USP15: variants seen among roughly 807,000 people sequenced by gnomAD.
USP15 encodes the protein ubiquitin carboxyl-terminal hydrolase 15.
USP15 carries 18 observed loss-of-function variants against 127.1 expected under a neutral mutation model. The ratio of observed to expected loss-of-function variants is 0.14; its 90% CI spans 0.10 to 0.21. The LOEUF is 0.21. Among genes scored for constraint, USP15 ranks in the 10% least tolerant of loss-of-function variants. The pLI, the probability that USP15 is intolerant of heterozygous loss-of-function variation, is 1.00. For missense variants in USP15, 805 were observed against 1,159.9 expected (o/e 0.69, Z 4.44); for synonymous variants, 364 against 393.7 (o/e 0.92, Z 0.89).
intron 6 of USP15, among the ~76,000 whole-genome samples, chr12:62,326,951 G>A (rs2065144955): frequency 6.6e-6 from 1 of 151,946 alleles, no homozygotes; most frequent in African/African-American, 2.4e-5. Flanking sequence ...CCAACATGGT[G>A]AAACCCCATC....
intron 1 of USP15, among the ~76,000 whole-genome samples, chr12:62,282,762 C>T (rs986634000): frequency 6.6e-6 from 1 of 151,994 alleles, no homozygotes; most frequent in African/African-American, 2.4e-5. Flanking sequence ...GTGAGAGTAC[C>T]ACAGTTGACA....
rs1405893746 is a variant in USP15 at position 62,414,130 on chromosome 12, C to T, written c.*9755C>T. Reference sequence around the variant, plus strand: ...TCAAAGATTACTGATCACAGATCACCGTAACAGATACAATAATAATGAAGA... The same window carrying T: ...TCAAAGATTACTGATCACAGATCACTGTAACAGATACAATAATAATGAAGA... On this transcript the variant is annotated 3_prime_UTR_variant, in exon 22 of 22. Coordinates refer to ENST00000280377, the MANE Select transcript of USP15 (RefSeq NM_001252078.2). 1 of 152,048 alleles carries T rather than the reference C, an allele frequency of 6.6e-6. No individual in the cohort carries two copies. Among genetic ancestry groups the T allele is most frequent in the Non-Finnish European group, 1.5e-5 (1 of 68,014 alleles). 9.4% of individuals were successfully genotyped at this position (152,048 alleles called of 1,614,324 possible).
chr12:62,338,825 C>A (rs1285579053), intron 6 of USP15, among the ~76,000 whole-genome samples: 1 of 151,962 alleles, frequency 6.6e-6, no homozygotes, highest in Non-Finnish European at 1.5e-5. Flanking sequence ...TTGCATTGGT[C>A]TATATATCTT....
chr12:62,320,181 G>C (rs999287367), intron 4 of USP15, among the ~76,000 whole-genome samples: 3 of 152,202 alleles, frequency 2.0e-5, no homozygotes, highest in African/African-American at 7.2e-5. Context: ...AATCCCCCAT[G>C]TGTTGGAGGA....
chr12:62,368,221 ACTT>A (rs1322122650), intron 8 of USP15, among the ~76,000 whole-genome samples: 4 of 152,120 alleles, frequency 2.6e-5, no homozygotes, highest in African/African-American at 9.7e-5. Context: ...GGAGTATTTT[ACTT>A]CTTATTATTT....
In USP15 at chr12:62,363,882, T is replaced by G. The variant is rs188024742; in HGVS notation, c.915+8407T>G. On this transcript the variant is annotated intron_variant, in intron 8 of 21. Transcript: ENST00000280377. ...ATATCATAATGATAGATGTAACCAT[T>G]TAATGAAATTCCAGAGTAGTAGGAA... 9.9e-4 allele frequency among the ~76,000 whole-genome samples: 151 copies of G among 152,282 alleles called. 2 individuals are homozygous for G. Among genetic ancestry groups the G allele is most frequent in the Admixed American group, 9.7e-3 (148 of 15,282 alleles).
intron 2 of USP15, among the ~76,000 whole-genome samples, chr12:62,298,031 C>T (rs1443242856): frequency 6.6e-6 from 1 of 152,152 alleles, no homozygotes; most frequent in Non-Finnish European, 1.5e-5. Context: ...TAGAGGTCTT[C>T]AACAGCAGAC....
intron 20 of USP15, among the ~76,000 whole-genome samples, chr12:62,398,075 TCCA>T (rs2067553995): frequency 6.6e-6 from 1 of 151,658 alleles, no homozygotes; most frequent in Non-Finnish European, 1.5e-5. Context: ...CACTGCAACC[TCCA>T]CCTCCTGGGT....
chr12:62,362,306 T>G (rs1008744919), intron 8 of USP15, among the ~76,000 whole-genome samples: 4 of 152,158 alleles, frequency 2.6e-5, no homozygotes, highest in African/African-American at 9.7e-5. Flanking sequence ...TATATTCACA[T>G]GTTGTACAAT....
Position 62,313,624 on chromosome 12 carries a change from T to C in USP15, c.349-1166T>C, listed in dbSNP as rs182953746. ...CTTATAAAATTAAATGTTACTACATTTGTAACCATGAAGTAAATCAGCCTA... is the reference window on the plus strand; with the variant it reads ...CTTATAAAATTAAATGTTACTACATCTGTAACCATGAAGTAAATCAGCCTA... On this transcript the variant is annotated intron_variant, in intron 3 of 21. Transcript: ENST00000280377. 1.8e-3 allele frequency among the ~76,000 whole-genome samples: 269 copies of C among 151,924 alleles called. 1 individual carries two copies. The highest frequency in any genetic ancestry group is 6.4e-3 in the African/African-American group (265 of 41,550).
At chr12:62,318,560 C>G (rs925805155) in intron 4 of USP15, among the ~76,000 whole-genome samples, 4 of 152,102 alleles carry the variant, frequency 2.6e-5, no homozygotes, top group African/African-American at 7.2e-5. Flanking sequence ...CCATATTCTC[C>G]CAGCCCTCCT....
chr12:62,389,410 A>T (rs780236147), intron 11 of USP15, 21 bp from the exon 12 acceptor site: 89 of 1,590,684 alleles, frequency 5.6e-5, no homozygotes, highest in Non-Finnish European at 7.2e-5. Flanking sequence ...TAAATTCATT[A>T]CAATTTTTTT....
intron 19 of USP15, among the ~76,000 whole-genome samples, chr12:62,394,612 G>T (rs1420862986): frequency 1.3e-5 from 2 of 152,152 alleles, no homozygotes; most frequent in Non-Finnish European, 2.9e-5. Context: ...CACTTTGGGA[G>T]GCCGAGGTGG....
chr12:62,306,078 G>A (rs2064476549), intron 3 of USP15: 1 of 152,172 alleles, frequency 6.6e-6, no homozygotes, highest in African/African-American at 2.4e-5. Context: ...CTTGGAAGTG[G>A]ATCCTTTAGT....
At chr12:62,343,901 A>G (rs2065729224) in intron 6 of USP15, among the ~76,000 whole-genome samples, 1 of 152,150 alleles carries the variant, frequency 6.6e-6, no homozygotes, top group Non-Finnish European at 1.5e-5. Flanking sequence ...AGACCCATTC[A>G]CTATCACAGA....
chr12:62,277,104 C>T (rs1007816214), intron 1 of USP15, among the ~76,000 whole-genome samples: 4 of 152,072 alleles, frequency 2.6e-5, no homozygotes, highest in African/African-American at 7.2e-5. Context: ...AAACAAAAGA[C>T]GTTTACTCTT....
intron 6 of USP15, 118 bp from the exon 7 acceptor site, chr12:62,349,103 A>C (rs982429815): frequency 6.7e-5 from 37 of 552,140 alleles, no homozygotes; most frequent in Admixed American, 6.0e-4. Flanking sequence ...GATTTTGCTC[A>C]TAAATCTATT....
At chr12:62,290,662 C>A (rs2063935422) in intron 1 of USP15, among the ~76,000 whole-genome samples, 1 of 152,130 alleles carries the variant, frequency 6.6e-6, no homozygotes, top group Non-Finnish European at 1.5e-5. Flanking sequence ...TAATTGTTAT[C>A]ACATTGCTTT....
rs938539718 is a variant in USP15 at position 62,409,402 on chromosome 12, A to G, written c.*5027A>G. The stretch of plus-strand genomic sequence containing the variant: ...AATGTGTAGCAAATGTGATTTTACA[A>G]AGCAGCTAAAAATACAACTATCTCT... On this transcript the variant is annotated 3_prime_UTR_variant, in exon 22 of 22. Coordinates refer to ENST00000280377, the MANE Select transcript of USP15 (RefSeq NM_001252078.2). 7.9e-5 allele frequency: 12 copies of G among 152,206 alleles called. No individual in the cohort carries two copies. Among genetic ancestry groups the G allele is most frequent in the Admixed American group, 6.5e-4 (10 of 15,278 alleles). The allele number at this position is 152,206 out of a possible 1,614,324, so 9.4% of individuals were successfully genotyped here.
Sources: allele counts gnomAD v4.1 joint callset (sites outside exome capture counted in the v4.1 genomes callset), GRCh38; gene constraint gnomAD v4.1.1; transcripts MANE v1.5; gene names NCBI Gene and HGNC (gene_info 2026-07-23, HGNC 2026-07-21).